Variants in LRMDA observed in about 807,000 individuals in gnomAD.
LRMDA encodes leucine rich melanocyte differentiation associated, also known as leucine-rich melanocyte differentiation-associated protein.
A neutral mutation model predicts 29.8 loss-of-function variants in LRMDA; 18 were observed. The ratio of observed to expected loss-of-function variants is 0.60; its 90% CI spans 0.42 to 0.90. The LOEUF (loss-of-function observed/expected upper bound fraction) is 0.90, where lower values mean the gene tolerates loss of function less well. Among genes scored for constraint, LRMDA ranks in the 40% least tolerant of loss-of-function variants. LRMDA has a pLI of 0.00. For synonymous variants in LRMDA, 125 were observed against 109.4 expected, an observed-to-expected ratio of 1.14 and a Z score of -0.89; for missense variants, 273 against 273.9, an observed-to-expected ratio of 1.00 and a Z score of 0.02.
intron 6 of LRMDA, chr10:76,535,662 A>G (rs968184786): frequency 2.6e-5 from 4 of 152,220 alleles, no homozygotes; most frequent in Admixed American, 6.5e-5. Context: ...GAAAAATAGT[A>G]CATTAAACAT....
chr10:75,663,472 C>T (rs1348842337), intron 2 of LRMDA, among the ~76,000 whole-genome samples: 1 of 152,178 alleles, frequency 6.6e-6, no homozygotes, highest in Non-Finnish European at 1.5e-5. Flanking sequence ...TTGAGAACCC[C>T]AATATAAGGC....
intron 6 of LRMDA, among the ~76,000 whole-genome samples, chr10:76,451,958 G>A (rs545101839): frequency 5.9e-5 from 9 of 152,234 alleles, no homozygotes; most frequent in African/African-American, 1.7e-4. Context: ...TGCCTGGCCC[G>A]ATGCTTTGTC....
intron 2 of LRMDA, among the ~76,000 whole-genome samples, chr10:75,770,723 G>A (rs1843228712): frequency 6.6e-6 from 1 of 152,214 alleles, no homozygotes; most frequent in Admixed American, 6.5e-5. Context: ...GGTGGGTGAA[G>A]TGAGGCTGCT....
intron 2 of LRMDA, among the ~76,000 whole-genome samples, chr10:75,616,782 C>T (rs1841108974): frequency 1.3e-5 from 2 of 152,156 alleles, no homozygotes; most frequent in African/African-American, 2.4e-5. Flanking sequence ...AATCTGAACA[C>T]CTGACCCATA....
At chr10:76,352,720 A>G (rs1841192460) in intron 6 of LRMDA, among the ~76,000 whole-genome samples, 2 of 152,042 alleles carry the variant, frequency 1.3e-5, no homozygotes, top group South Asian at 4.1e-4. Flanking sequence ...TGTTTCTATT[A>G]TTATTATTAT....
chr10:76,356,539 G>A (rs548751570), intron 6 of LRMDA, among the ~76,000 whole-genome samples: 33 of 152,180 alleles, frequency 2.2e-4, no homozygotes, highest in Non-Finnish European at 4.0e-4. Flanking sequence ...ATTGGTGGAA[G>A]GAAAAGCAAG....
At chr10:76,532,403 A>G (rs60360383) in intron 6 of LRMDA, among the ~76,000 whole-genome samples, 8,096 of 152,214 alleles carry the variant, frequency 0.053, 278 homozygotes, top group African/African-American at 0.089. Flanking sequence ...TCCTTTATAC[A>G]TTTATTTATT....
At position 75,616,427 on chromosome 10, in the gene LRMDA, C is replaced by A. The variant is rs899577698; in HGVS notation, c.131+177933C>A. Among the ~76,000 whole-genome samples the A allele has an allele frequency of 6.6e-5, 10 of 152,094 alleles. No individual in the cohort carries two copies. In the East Asian group the frequency reaches 1.9e-3, roughly 29 times the overall value. ...AACCATATCAACAGGAAAAGTAAATCAATTAAAGGAAAAAATATTAAGTAC... is the reference window on the plus strand; with the variant it reads ...AACCATATCAACAGGAAAAGTAAATAAATTAAAGGAAAAAATATTAAGTAC... On this transcript the variant is annotated intron_variant, in intron 2 of 6. Transcript: ENST00000611255.
chr10:75,570,149 A>G (rs1348222142), intron 2 of LRMDA, among the ~76,000 whole-genome samples: 1 of 152,212 alleles, frequency 6.6e-6, no homozygotes, highest in Non-Finnish European at 1.5e-5. Context: ...TTAGAGATAC[A>G]TGACGTTAGG....
intron 2 of LRMDA, among the ~76,000 whole-genome samples, chr10:75,850,841 T>C (rs1844719626): frequency 6.6e-6 from 1 of 152,074 alleles, no homozygotes; most frequent in Non-Finnish European, 1.5e-5. Context: ...AGGAATTCAT[T>C]TGACAGGAGT....
chr10:75,897,598 T>TA (rs145976922), intron 2 of LRMDA, among the ~76,000 whole-genome samples: 4,637 of 152,300 alleles, frequency 0.03, 131 homozygotes, highest in South Asian at 0.081. Context: ...CCTTTCATTT[T>TA]ACAGCCAGGG....
At chr10:76,184,018 G>C (rs1035860113) in intron 5 of LRMDA, among the ~76,000 whole-genome samples, 1 of 150,598 alleles carries the variant, frequency 6.6e-6, no homozygotes, top group Non-Finnish European at 1.5e-5. Flanking sequence ...CACCCCACCC[G>C]GCCCTACTTT....
chr10:76,381,098 C>G (rs1841586634), intron 6 of LRMDA, among the ~76,000 whole-genome samples: 1 of 138,120 alleles, frequency 7.2e-6, no homozygotes, highest in Admixed American at 8.0e-5. Flanking sequence ...TTTTCCCAAG[C>G]CCGTAATGTT....
At chr10:75,659,943 A>C (rs949887321) in intron 2 of LRMDA, among the ~76,000 whole-genome samples, 1 of 152,244 alleles carries the variant, frequency 6.6e-6, no homozygotes, top group East Asian at 1.9e-4. Flanking sequence ...AGTGAGATGC[A>C]TATACCTTAC....
At position 76,131,863 on chromosome 10, in the gene LRMDA, T is replaced by A. The variant is rs547882016; in HGVS notation, c.516+73080T>A. On this transcript the variant is annotated intron_variant, in intron 5 of 6. Coordinates refer to ENST00000611255, the MANE Select transcript of LRMDA (RefSeq NM_001305581.2). ...CAAGGATCTATACGACAAACAGCTA[T>A]ACTGTCAGCCCAGCTACTGTGCTTA... Among the ~76,000 whole-genome samples the A allele has an allele frequency of 7.0e-4, 107 of 152,332 alleles. 1 individual carries two copies. The East Asian group carries it at 0.018, about 26-fold the overall frequency.
chr10:75,595,300 A>G (rs1164313782), intron 2 of LRMDA, among the ~76,000 whole-genome samples: 1 of 152,198 alleles, frequency 6.6e-6, no homozygotes, highest in Non-Finnish European at 1.5e-5. Flanking sequence ...CAGTCTTGAC[A>G]TTAACCAAAC....
intron 6 of LRMDA, among the ~76,000 whole-genome samples, chr10:76,446,037 T>C (rs1408525445): frequency 6.6e-6 from 1 of 152,214 alleles, no homozygotes; most frequent in Non-Finnish European, 1.5e-5. Flanking sequence ...GGTGTGTAGC[T>C]AGTCCTTTTA....
intron 6 of LRMDA, among the ~76,000 whole-genome samples, chr10:76,438,350 T>A (rs1842266453): frequency 6.6e-6 from 1 of 152,202 alleles, no homozygotes; most frequent in South Asian, 2.1e-4. Flanking sequence ...TGGGCTTTGG[T>A]TATTCTTTAA....
At chr10:75,537,351 C>G (rs1327703475) in intron 2 of LRMDA, among the ~76,000 whole-genome samples, 1 of 152,134 alleles carries the variant, frequency 6.6e-6, no homozygotes, top group Non-Finnish European at 1.5e-5. Flanking sequence ...CTTGGTACTT[C>G]TGGGTTTAAG....
Sources: allele counts gnomAD v4.1 joint callset (sites outside exome capture counted in the v4.1 genomes callset), GRCh38; gene constraint gnomAD v4.1.1; transcripts MANE v1.5; gene names NCBI Gene and HGNC (gene_info 2026-07-23, HGNC 2026-07-21).